Variants in RAB11FIP4 observed in about 807,000 individuals in gnomAD.
RAB11FIP4 encodes the protein RAB11 family interacting protein 4, also known as rab11 family-interacting protein 4.
In RAB11FIP4, 23 loss-of-function variants were observed where a neutral mutation model predicts 74.3. That is an observed-to-expected ratio of 0.31 (90% confidence interval 0.22 to 0.44). The LOEUF is 0.44. Ranked by LOEUF, RAB11FIP4 falls within the 20% of genes least tolerant of loss-of-function variation. RAB11FIP4 has a pLI of 1.00. For missense variants in RAB11FIP4, 630 were observed against 863.9 expected, an observed-to-expected ratio of 0.73 and a Z score of 3.39; for synonymous variants, 360 against 359.9, an observed-to-expected ratio of 1.00 and a Z score of 0.00.
At position 31,461,179 on chromosome 17, in the gene RAB11FIP4, C is replaced by T. The variant is rs141767082; in HGVS notation, c.336+27057C>T. 3.1e-3 allele frequency among the ~76,000 whole-genome samples: 473 copies of T among 151,950 alleles called. 1 individual carries two copies. Among genetic ancestry groups the T allele is most frequent in the Admixed American group, 7.5e-3 (114 of 15,238 alleles). On this transcript the variant is annotated intron_variant, in intron 3 of 14. Coordinates refer to ENST00000621161, the MANE Select transcript of RAB11FIP4 (RefSeq NM_032932.6). ...ATAGCCCCACCTGTCTGATAAAATA[C>T]CTTGAGGCCATTTGCAGCAGAGGTG... is the stretch of plus-strand genomic sequence containing the variant.
At chr17:31,447,232 C>T (rs1468301903) in intron 3 of RAB11FIP4, among the ~76,000 whole-genome samples, 3 of 152,158 alleles carry the variant, frequency 2.0e-5, no homozygotes, top group Non-Finnish European at 2.9e-5. Flanking sequence ...TGCAATGAGC[C>T]GAGATTGTGC....
At chr17:31,396,238 AG>A (rs974262585) in intron 1 of RAB11FIP4, among the ~76,000 whole-genome samples, 65 of 151,738 alleles carry the variant, frequency 4.3e-4, no homozygotes, top group African/African-American at 1.4e-3. Context: ...CAGATTTTTG[AG>A]GGATGGGGGC....
chr17:31,430,052 TGGGC>T (rs1463086873), intron 1 of RAB11FIP4, among the ~76,000 whole-genome samples: 15 of 151,914 alleles, frequency 9.9e-5, no homozygotes, highest in African/African-American at 3.6e-4. Flanking sequence ...AGCAGCGGGG[TGGGC>T]CCTGATTGGA....
At chr17:31,458,953 T>C (rs1278186046) in intron 3 of RAB11FIP4, among the ~76,000 whole-genome samples, 2 of 152,194 alleles carry the variant, frequency 1.3e-5, no homozygotes, top group African/African-American at 4.8e-5. Context: ...GGTCCCTCTA[T>C]TAGCCAGGGT....
At chr17:31,441,175 C>T (rs1422963807) in intron 3 of RAB11FIP4, among the ~76,000 whole-genome samples, 1 of 152,016 alleles carries the variant, frequency 6.6e-6, no homozygotes, top group Non-Finnish European at 1.5e-5. Flanking sequence ...CAGGTGCCCA[C>T]CACCATGCCC....
At chr17:31,486,636 C>T (rs1052733811) in intron 3 of RAB11FIP4, among the ~76,000 whole-genome samples, 4 of 152,154 alleles carry the variant, frequency 2.6e-5, no homozygotes, top group Admixed American at 6.5e-5. Flanking sequence ...ACTGTGGGAG[C>T]GGACCCAAAC....
At chr17:31,436,289 C>T (rs2071356257) in intron 3 of RAB11FIP4, among the ~76,000 whole-genome samples, 1 of 152,186 alleles carries the variant, frequency 6.6e-6, no homozygotes, top group African/African-American at 2.4e-5. Context: ...CGTGCTAATT[C>T]CTCGCCGCCT....
intron 3 of RAB11FIP4, among the ~76,000 whole-genome samples, chr17:31,507,590 T>C (rs530386777): frequency 3.9e-4 from 60 of 152,332 alleles, no homozygotes; most frequent in African/African-American, 1.1e-3. Flanking sequence ...GTATTCTGGC[T>C]ATCAGTCATC....
chr17:31,444,011 C>A (rs1475558947), intron 3 of RAB11FIP4, among the ~76,000 whole-genome samples: 1 of 152,158 alleles, frequency 6.6e-6, no homozygotes, highest in Admixed American at 6.5e-5. Context: ...AGGGGCTTTG[C>A]CAAACCCTTG....
rs1333611302 is a variant in RAB11FIP4, at chr17:31,505,679, TTATAA to T, written c.337-11967_337-11963del. On this transcript the variant is annotated intron_variant, in intron 3 of 14. Transcript: ENST00000621161. ...ATAATAATTATATAATACATAATTA[TTATAA>T]TATATAATAATTATATATAATATAT... Among the ~76,000 whole-genome samples, 65 of 77,852 alleles carry T rather than the reference TTATAA, an allele frequency of 8.3e-4. 1 individual carries two copies. The highest frequency in any genetic ancestry group is 1.7e-3 in the Non-Finnish European group (58 of 35,062). 51.1% of individuals were successfully genotyped at this position (77,852 alleles called of 152,430 possible).
At chr17:31,519,007 CTTTT>C (rs1190316585) in intron 4 of RAB11FIP4, among the ~76,000 whole-genome samples, 162 of 73,944 alleles carry the variant, frequency 2.2e-3, no homozygotes, top group African/African-American at 7.3e-3. Flanking sequence ...TAAGTTTTGT[CTTTT>C]TTTTTTTTTT....
chr17:31,430,285 A>C lies in RAB11FIP4; in HGVS notation c.160-1528A>C, dbSNP rs538753307. Among the ~76,000 whole-genome samples the C allele has an allele frequency of 3.3e-5, 5 of 151,650 alleles. No homozygotes were observed. In the South Asian group the frequency reaches 1.0e-3, roughly 32 times the overall value. On this transcript the variant is annotated intron_variant, in intron 1 of 14. Coordinates refer to ENST00000621161, the MANE Select transcript of RAB11FIP4 (RefSeq NM_032932.6). ...TAGAGTACAGTGAGTGATGAAGAGC[A>C]TGGGAGGAGAGGGAGTGGAAGGGGT...
At chr17:31,494,373 G>GAGGATGAGGCTA (rs1235086652) in intron 3 of RAB11FIP4, among the ~76,000 whole-genome samples, 1 of 152,186 alleles carries the variant, frequency 6.6e-6, no homozygotes, top group African/African-American at 2.4e-5. Flanking sequence ...TTCGTGGTAA[G>GAGGATGAGGCTA]GCTCAAATAT....
chr17:31,426,185 C>T (rs1194660554), intron 1 of RAB11FIP4, among the ~76,000 whole-genome samples: 1 of 151,998 alleles, frequency 6.6e-6, no homozygotes, highest in Admixed American at 6.6e-5. Context: ...AGTCTCTGGC[C>T]CAGGAAGGCA....
chr17:31,528,259 G>A (rs1280296841), intron 11 of RAB11FIP4, 147 bp from the exon 12 acceptor site: 12 of 934,670 alleles, frequency 1.3e-5, no homozygotes, highest in Non-Finnish European at 1.1e-5. Context: ...GTTTCTGTAA[G>A]CCAAGACTCA....
chr17:31,416,097 C>G (rs773082640), intron 1 of RAB11FIP4, among the ~76,000 whole-genome samples: 12 of 152,238 alleles, frequency 7.9e-5, no homozygotes, highest in Admixed American at 6.5e-4. Flanking sequence ...AGAGCCCGCT[C>G]TCTCGGCATG....
Position 31,523,591 on chromosome 17 carries a change from G to A in RAB11FIP4, c.1009G>A (p.Asp337Asn), listed in dbSNP as rs2072709004. 5 of 1,614,092 alleles carry A rather than the reference G, an allele frequency of 3.1e-6. No homozygotes were observed. The highest frequency in any genetic ancestry group is 3.4e-6 in the Non-Finnish European group (4 of 1,179,950). ...GTTCCGGGACAGCATTGACTCTTGC[G>A]ACAATGACATCACAGAGAAGGTGGG... is the stretch of plus-strand genomic sequence containing the variant. ...DLFRDSIDSCDNDITEKVSFL... is the reference protein window; with the variant it reads ...DLFRDSIDSCNNDITEKVSFL... Residue 337 changes from aspartate (D) to asparagine (N), a missense_variant, in exon 8 of 15, where the codon GAC becomes AAC. Coordinates refer to ENST00000621161, the MANE Select transcript of RAB11FIP4 (RefSeq NM_032932.6).
rs2072896353 is a variant in RAB11FIP4, at chr17:31,532,922, T to C, written c.*1190T>C. ...GGAAATTCACACCATGGATTTTTAA[T>C]GGATCTTTGTTCTAGGCAGCTGGGA... On this transcript the variant is annotated 3_prime_UTR_variant, in exon 15 of 15. Coordinates refer to ENST00000621161, the MANE Select transcript of RAB11FIP4 (RefSeq NM_032932.6). 6.6e-6 allele frequency: 1 copy of C among 152,250 alleles called. No individual in the cohort carries two copies. The highest frequency in any genetic ancestry group is 6.5e-5 in the Admixed American group (1 of 15,290). The allele number at this position is 152,250 out of a possible 1,614,324, so 9.4% of individuals were successfully genotyped here.
intron 1 of RAB11FIP4, among the ~76,000 whole-genome samples, chr17:31,417,120 T>G (rs1251155584): frequency 3.3e-5 from 5 of 149,856 alleles, no homozygotes; most frequent in Non-Finnish European, 7.4e-5. Context: ...CCTTCCCCAC[T>G]GTCCCCCTCA....
Sources: allele counts gnomAD v4.1 joint callset (sites outside exome capture counted in the v4.1 genomes callset), GRCh38; gene constraint gnomAD v4.1.1; transcripts MANE v1.5; gene names NCBI Gene and HGNC (gene_info 2026-07-23, HGNC 2026-07-21).